The following CCDC6 variants were observed in gnomAD, a reference collection of about 807,000 sequenced individuals.
CCDC6 encodes the protein coiled-coil domain containing 6, also known as coiled-coil domain-containing protein 6.
A neutral mutation model predicts 56.6 loss-of-function variants in CCDC6; 20 were observed. The ratio of observed to expected loss-of-function variants is 0.35; its 90% confidence interval spans 0.25 to 0.51. The LOEUF (loss-of-function observed/expected upper bound fraction) is 0.51, where lower values mean the gene tolerates loss of function less well. Ranked by LOEUF, CCDC6 falls within the 20% of genes least tolerant of loss-of-function variation. CCDC6 has a pLI of 0.95. For synonymous variants in CCDC6, 241 were observed against 234.4 expected (o/e 1.03, Z -0.26); for missense variants, 367 against 601.1 (o/e 0.61, Z 4.07).
intron 1 of CCDC6, among the ~76,000 whole-genome samples, chr10:59,884,105 C>G (rs564138087): frequency 1.5e-4 from 23 of 152,302 alleles, no homozygotes; most frequent in African/African-American, 4.8e-4. Context: ...CATATTATCT[C>G]TGTTCTCTCA....
chr10:59,873,835 GACAGAGA>G (rs1486435593), intron 1 of CCDC6, among the ~76,000 whole-genome samples: 1 of 151,840 alleles, frequency 6.6e-6, no homozygotes, highest in Non-Finnish European at 1.5e-5. Flanking sequence ...AAAAAAGAAG[GACAGAGA>G]ACACATATGT....
intron 7 of CCDC6, among the ~76,000 whole-genome samples, chr10:59,795,399 A>C (rs975092595): frequency 1.3e-5 from 2 of 152,212 alleles, no homozygotes; most frequent in Admixed American, 6.5e-5. Context: ...AGGGAAATGC[A>C]AATCAAAACC....
rs533297469 is a variant in CCDC6, at chr10:59,884,441, A to G, written c.303+21681T>C. Reference sequence around the variant, plus strand: ...CCTAGATTATCCTACAGATAATAAAAACCATTGCTAAGACTTGTTAAAAAC... The same window carrying G: ...CCTAGATTATCCTACAGATAATAAAGACCATTGCTAAGACTTGTTAAAAAC... On this transcript the variant is annotated intron_variant, in intron 1 of 8. Transcript: ENST00000263102. 3.9e-5 allele frequency among the ~76,000 whole-genome samples: 6 copies of G among 152,362 alleles called. No homozygotes were observed. In the South Asian group the frequency reaches 1.2e-3, roughly 32 times the overall value.
chr10:59,892,129 G>A (rs1038568569), intron 1 of CCDC6, among the ~76,000 whole-genome samples: 2 of 152,314 alleles, frequency 1.3e-5, no homozygotes, highest in South Asian at 2.1e-4. Context: ...GTGGCACTAG[G>A]GCGTTGCCCA....
intron 7 of CCDC6, among the ~76,000 whole-genome samples, chr10:59,801,967 T>C (rs2070580092): frequency 6.6e-6 from 1 of 152,124 alleles, no homozygotes; most frequent in African/African-American, 2.4e-5. Flanking sequence ...TCCAAGTAGC[T>C]CTAGTTCTTT....
chr10:59,803,274 C>T (rs771221529), intron 7 of CCDC6, among the ~76,000 whole-genome samples: 12 of 151,880 alleles, frequency 7.9e-5, no homozygotes, highest in Non-Finnish European at 1.5e-4. Flanking sequence ...GGTACAAAGG[C>T]GGCCACCCTT....
chr10:59,827,018 T>C (rs946587677), intron 3 of CCDC6, among the ~76,000 whole-genome samples: 2 of 152,136 alleles, frequency 1.3e-5, no homozygotes, highest in Admixed American at 6.5e-5. Flanking sequence ...GAGTACTGAA[T>C]GTTACAAGAG....
chr10:59,845,511 A>G (rs1180273838), intron 2 of CCDC6, among the ~76,000 whole-genome samples: 1 of 152,190 alleles, frequency 6.6e-6, no homozygotes, highest in African/African-American at 2.4e-5. Context: ...TTACATTGCA[A>G]TGAGAGATTT....
At chr10:59,830,192 T>G (rs148457936) in intron 3 of CCDC6, among the ~76,000 whole-genome samples, 2 of 152,196 alleles carry the variant, frequency 1.3e-5, no homozygotes, top group African/African-American at 4.8e-5. Context: ...AAAAACTACA[T>G]GTAAATCATG....
intron 2 of CCDC6, 102 bp downstream of exon 2, chr10:59,852,451 A>G: frequency 1.1e-6 from 1 of 943,958 alleles, no homozygotes; most frequent in South Asian, 2.0e-5. Flanking sequence ...TTAAGCTACA[A>G]CCTCATCAGC....
chr10:59,881,062 T>C (rs2071331151), intron 1 of CCDC6, among the ~76,000 whole-genome samples: 1 of 151,972 alleles, frequency 6.6e-6, no homozygotes, highest in African/African-American at 2.4e-5. Context: ...CCAAAGCCCT[T>C]CAGCCCCGCC....
intron 1 of CCDC6, among the ~76,000 whole-genome samples, chr10:59,902,906 G>T (rs1400971032): frequency 1.3e-5 from 2 of 152,256 alleles, no homozygotes; most frequent in Admixed American, 6.5e-5. Context: ...ATTCATAATT[G>T]CCAAAAGGTG....
intron 1 of CCDC6, among the ~76,000 whole-genome samples, chr10:59,854,693 T>C (rs1277050529): frequency 6.6e-6 from 1 of 152,168 alleles, no homozygotes; most frequent in East Asian, 1.9e-4. Context: ...CAATCCCCAC[T>C]TGCCTTCCGA....
At chr10:59,879,639 T>G (rs900700589) in intron 1 of CCDC6, among the ~76,000 whole-genome samples, 30 of 152,166 alleles carry the variant, frequency 2.0e-4, no homozygotes, top group African/African-American at 7.0e-4. Flanking sequence ...ATTACAGCTG[T>G]AGCCTGGCTC....
intron 1 of CCDC6, among the ~76,000 whole-genome samples, chr10:59,882,118 G>C (rs28551616): frequency 9.1e-3 from 313 of 34,284 alleles, no homozygotes; most frequent in African/African-American, 0.019. Context: ...AGGAAAGCCG[G>C]GGGGAGAAGG....
chr10:59,821,281 A>C (rs1171084026), intron 3 of CCDC6, among the ~76,000 whole-genome samples: 1 of 152,212 alleles, frequency 6.6e-6, no homozygotes, highest in Admixed American at 6.5e-5. Flanking sequence ...TGCATCTGAC[A>C]TGAAAATAGC....
At chr10:59,869,975 T>TC (rs1564752829) in intron 1 of CCDC6, among the ~76,000 whole-genome samples, 1 of 151,846 alleles carries the variant, frequency 6.6e-6, no homozygotes, top group South Asian at 2.1e-4. Flanking sequence ...TCATCTCAGA[T>TC]CCCCCTGAAG....
At chr10:59,880,117 G>A (rs1478016886) in intron 1 of CCDC6, among the ~76,000 whole-genome samples, 1 of 151,746 alleles carries the variant, frequency 6.6e-6, no homozygotes, top group Admixed American at 6.6e-5. Context: ...AAAAAATACC[G>A]AAGACATTTC....
At chr10:59,843,835 C>A (rs1172739130) in intron 2 of CCDC6, among the ~76,000 whole-genome samples, 1 of 152,186 alleles carries the variant, frequency 6.6e-6, no homozygotes, top group Non-Finnish European at 1.5e-5. Context: ...TCTAAGCATG[C>A]AGCCCTTCAT....
Sources: gnomAD v4.1 joint callset for allele counts (sites outside exome capture counted in the v4.1 genomes callset) on GRCh38, gnomAD v4.1.1 for gene constraint, MANE v1.5 for transcripts, NCBI Gene and HGNC (gene_info 2026-07-23, HGNC 2026-07-21) for gene names.